The following SCNN1A variants were observed in gnomAD, a reference collection of about 807,000 sequenced individuals.
SCNN1A encodes the protein epithelial sodium channel subunit alpha.
In SCNN1A, 65 loss-of-function variants were observed where a neutral mutation model predicts 68.6. That is an observed-to-expected ratio of 0.95 (90% CI 0.78 to 1.16). The LOEUF (loss-of-function observed/expected upper bound fraction) is 1.16. SCNN1A is among the 50% of genes most tolerant of loss of function. SCNN1A has a pLI of 0.00. For missense variants in SCNN1A, 880 were observed against 865.9 expected, an observed-to-expected ratio of 1.02 and a Z score of -0.20; for synonymous variants, 357 against 353.3, an observed-to-expected ratio of 1.01 and a Z score of -0.12.
intron 6 of SCNN1A, 77 bp from the exon 7 acceptor site, chr12:6,354,925 G>T: frequency 8.2e-7 from 1 of 1,221,346 alleles, no homozygotes. Flanking sequence ...TCAGTTCCAG[G>T]TTGTATCTCA....
intron 2 of SCNN1A, among the ~76,000 whole-genome samples, chr12:6,373,812 C>A (rs989010660): frequency 3.3e-5 from 5 of 152,170 alleles, no homozygotes; most frequent in African/African-American, 1.2e-4. Context: ...GGCCCCTGCC[C>A]CCAGCCTTTG....
rs1324195002 is a variant in SCNN1A at position 6,351,149 on chromosome 12, C to T, written c.1361-1744G>A. On this transcript the variant is annotated intron_variant, in intron 8 of 12. Transcript: ENST00000228916. This position sits in a 1 kb window ranked among gnomAD's most constrained non-coding sequence, Gnocchi z 4.2. The stretch of plus-strand genomic sequence containing the variant: ...CAAAAAGTGGCAACAACACAAATGT[C>T]CACTAACTGATAAATGGGTAAACAA... 6.6e-6 allele frequency among the ~76,000 whole-genome samples: 1 copy of T among 152,188 alleles called. No individual in the cohort carries two copies. The highest frequency in any genetic ancestry group is 1.5e-5 in the Non-Finnish European group (1 of 68,036).
At position 6,374,331 on chromosome 12, in the gene SCNN1A, C is replaced by T. The variant is rs369164795; in HGVS notation, c.416+37G>A. 3.5e-5 allele frequency: 56 copies of T among 1,607,750 alleles called. No individual in the cohort carries two copies. Among genetic ancestry groups the T allele is most frequent in the African/African-American group, 1.3e-4 (10 of 74,938 alleles). The stretch of plus-strand genomic sequence containing the variant: ...CAGCACCCTGGACCACCCTTCCAGG[C>T]GCAGGCACCAGGGAAGGGGCAGAGG... On this transcript the variant is annotated intron_variant, in intron 2 of 12. Transcript: ENST00000228916. The surrounding 1 kb of genome is among the most constrained non-coding windows in gnomAD (Gnocchi z 6.2).
upstream of SCNN1A, among the ~76,000 whole-genome samples, chr12:6,376,381 G>A (rs72645147): frequency 1.3e-5 from 2 of 152,240 alleles, no homozygotes; most frequent in African/African-American, 4.8e-5. Flanking sequence ...CGCCCCTGCT[G>A]TGGTCACAGA....
At chr12:6,361,545 G>C (rs1188838141) in intron 4 of SCNN1A, among the ~76,000 whole-genome samples, 1 of 152,148 alleles carries the variant, frequency 6.6e-6, no homozygotes, top group Non-Finnish European at 1.5e-5. Context: ...TTGGAGACCA[G>C]CCTGACCAAC....
chr12:6,375,638 G>C (rs1275840462), upstream of SCNN1A: 11 of 1,488,816 alleles, frequency 7.4e-6, no homozygotes, highest in Non-Finnish European at 9.8e-6. Flanking sequence ...TCAGAGCCGG[G>C]AGTTTTCCGA....
In SCNN1A at chr12:6,347,577, G is replaced by T. The variant is rs55981728; in HGVS notation, c.*296C>A. ...GTTCCTTGTCAAAGCTCCAAGTTTC[G>T]CTTGGCTGATCCAAGGGAAAAAGAG... On this transcript the variant is annotated 3_prime_UTR_variant, in exon 13 of 13. Coordinates refer to ENST00000228916, the MANE Select transcript of SCNN1A (RefSeq NM_001038.6). 2.2e-6 allele frequency: 1 copy of T among 456,486 alleles called. No individual in the cohort carries two copies. The highest frequency in any genetic ancestry group is 4.0e-6 in the Non-Finnish European group (1 of 250,320). 28.3% of individuals were successfully genotyped at this position (456,486 alleles called of 1,614,324 possible). A position where few individuals can be genotyped will look rare whatever the true frequency, so the allele number is the denominator to read the frequency against.
intron 2 of SCNN1A, 184 bp from the exon 3 acceptor site, chr12:6,363,894 C>G (rs974988756): frequency 1.0e-4 from 33 of 324,342 alleles, no homozygotes; most frequent in Middle Eastern, 9.4e-4. Context: ...GTGTGTCCGC[C>G]GGGAAGGCGG....
upstream of SCNN1A, chr12:6,376,087 C>T: frequency 1.0e-6 from 1 of 989,730 alleles, no homozygotes; most frequent in Non-Finnish European, 1.2e-6. Flanking sequence ...AGCAAGTGGG[C>T]AGCCCTCCAA....
At chr12:6,349,471 G>A in intron 8 of SCNN1A, 66 bp from the exon 9 acceptor site, 1 of 1,162,664 alleles carries the variant, frequency 8.6e-7, no homozygotes, top group Non-Finnish European at 1.3e-6. Flanking sequence ...ACACCCAAGA[G>A]GTCTCCCAAG....
rs758279404 is a variant in SCNN1A, at chr12:6,348,174, G to C, written c.1709C>G (p.Ala570Gly). The C allele has an allele frequency of 3.7e-6, 6 of 1,614,138 alleles. No homozygotes were observed. In the South Asian group the frequency reaches 6.6e-5, roughly 18 times the overall value. Residue 570 changes from alanine (A) to glycine (G), a missense_variant, in exon 13 of 13, where the codon GCT becomes GGT. Ala to Gly is a moderately conservative substitution (Grantham distance 60, BLOSUM62 0). Around this residue, in one of 3 missense-constraint regions of SCNN1A, gnomAD observed 758 missense variants for 721.8 expected, o/e 1.05. Transcript: ENST00000228916. ...GACCAGCAGGTCAAAGACGAGCTCAGCCATCTCCACCACAGACAACACCGA... is the reference window on the plus strand; with the variant it reads ...GACCAGCAGGTCAAAGACGAGCTCACCCATCTCCACCACAGACAACACCGA... ...GSSVLSVVEM[A>G]ELVFDLLVIM...
rs549453969 is a variant in SCNN1A, at chr12:6,350,293, G to A, written c.1361-888C>T. On this transcript the variant is annotated intron_variant, in intron 8 of 12. Transcript: ENST00000228916. ...TAAAAATACAAAAAATTAGCCGGGC[G>A]TGGTGGCGGGCGCCTGTAGTCCCAG... Among the ~76,000 whole-genome samples the A allele has an allele frequency of 1.1e-3, 161 of 151,382 alleles. 1 individual carries two copies. Among genetic ancestry groups the A allele is most frequent in the Non-Finnish European group, 1.8e-3 (124 of 67,826 alleles).
In SCNN1A at chr12:6,374,613, C is replaced by T. The variant is rs1329695871; in HGVS notation, c.171G>A (p.Glu57=). The T allele has an allele frequency of 6.2e-7, 1 of 1,613,924 alleles. No homozygotes were observed. The highest frequency in any genetic ancestry group is 8.5e-7 in the Non-Finnish European group (1 of 1,179,906). The change falls in exon 2 of 13, where the codon GAG becomes GAA. Residue 57 remains glutamate, a synonymous_variant. Coordinates refer to ENST00000228916, the MANE Select transcript of SCNN1A (RefSeq NM_001038.6). The surrounding 1 kb of genome is among the most constrained non-coding windows in gnomAD (Gnocchi z 6.2). ...TGTTGTTGCAGAAGAACTCGAAGAG[C>T]TCTCGGTAGGAGCGGTGGAACTCGA... ...ALIEFHRSYR[E]LFEFFCNNTT...
intron 8 of SCNN1A, among the ~76,000 whole-genome samples, chr12:6,350,281 AAT>A (rs577609745): frequency 0.014 from 2,082 of 150,748 alleles, 42 homozygotes; most frequent in African/African-American, 0.047. Flanking sequence ...AAATACAAAA[AAT>A]TAGCCGGGCG....
upstream of SCNN1A, chr12:6,377,135 A>G (rs1258401007): frequency 3.5e-5 from 26 of 733,482 alleles, no homozygotes; most frequent in East Asian, 7.0e-4. Context: ...AAAAGGCAGT[A>G]CTCCAGGCTC....
chr12:6,350,369 T>C (rs1403664285), intron 8 of SCNN1A, among the ~76,000 whole-genome samples: 1 of 150,474 alleles, frequency 6.6e-6, no homozygotes, highest in Non-Finnish European at 1.5e-5. Flanking sequence ...GAGGCGGAGC[T>C]TGCAGTGAGC....
At chr12:6,373,965 A>G (rs1178585088) in intron 2 of SCNN1A, among the ~76,000 whole-genome samples, 2 of 152,092 alleles carry the variant, frequency 1.3e-5, no homozygotes, top group African/African-American at 4.8e-5. Flanking sequence ...CCCCTCCATC[A>G]GACTCTCCTG....
chr12:6,356,008 G>T (rs1242513518), intron 4 of SCNN1A, 128 bp from the exon 5 acceptor site: 1 of 769,588 alleles, frequency 1.3e-6, no homozygotes, highest in Admixed American at 1.8e-5. Context: ...AGAGCCATTT[G>T]TTTCCTGATC....
upstream of SCNN1A, chr12:6,375,781 A>G (rs1387881715): frequency 7.1e-7 from 1 of 1,399,472 alleles, no homozygotes; most frequent in Non-Finnish European, 9.2e-7. Flanking sequence ...CAAAGATCTG[A>G]ACAAGTAGAA....
Sources: allele counts gnomAD v4.1 joint callset (sites outside exome capture counted in the v4.1 genomes callset), GRCh38; gene constraint gnomAD v4.1.1; regional missense constraint gnomAD v4.1.1; non-coding constraint Gnocchi (gnomAD v3.1); transcripts MANE v1.5; gene names NCBI Gene and HGNC (gene_info 2026-07-23, HGNC 2026-07-21).